The following DNAH17 variants were observed in gnomAD, a reference collection of about 807,000 sequenced individuals.
DNAH17 encodes the protein axonemal beta dynein heavy chain 17.
In DNAH17, 376 loss-of-function variants were observed where a neutral mutation model predicts 485.6. The observed-to-expected ratio is 0.77, with a 90% CI of 0.71 to 0.84. The LOEUF (loss-of-function observed/expected upper bound fraction) is 0.84, where lower values mean the gene tolerates loss of function less well. DNAH17 is among the 40% of genes least tolerant of loss of function. DNAH17 has a pLI of 0.00. For missense variants in DNAH17, 6,370 were observed against 5,839.3 expected (o/e 1.09, Z -2.96); for synonymous variants, 3,031 against 2,405.9 (o/e 1.26, Z -7.60).
chr17:78,506,081 G>C (rs2090475506), intron 30 of DNAH17, among the ~76,000 whole-genome samples: 1 of 151,270 alleles, frequency 6.6e-6, no homozygotes, highest in African/African-American at 2.4e-5. Context: ...CCTTCTTCTT[G>C]TGTAACCTCT....
chr17:78,424,722 G>C (rs966922327), intron 80 of DNAH17, among the ~76,000 whole-genome samples: 2 of 152,230 alleles, frequency 1.3e-5, no homozygotes, highest in African/African-American at 4.8e-5. Flanking sequence ...CCACCCCACA[G>C]GTAATGGGGT....
intron 26 of DNAH17, 192 bp from the exon 27 acceptor site, chr17:78,510,698 T>TTCCC: frequency 1.5e-6 from 1 of 688,624 alleles, no homozygotes; most frequent in Non-Finnish European, 2.4e-6. Context: ...CTCACCTTCC[T>TTCCC]TCCCTGTAAA....
rs114162674 is a variant in DNAH17 at position 78,577,013 on chromosome 17, G to C, written c.-26+282C>G. 1.6e-3 allele frequency among the ~76,000 whole-genome samples: 242 copies of C among 152,322 alleles called. 3 individuals are homozygous for C. Among genetic ancestry groups the C allele is most frequent in the African/African-American group, 5.7e-3 (237 of 41,584 alleles). On this transcript the variant is annotated intron_variant, in intron 1 of 80. Transcript: ENST00000389840. ...GGCCTTCAGGACTCCACAGGAGGAAGCTGGGGCTAGGGGCTTCCAGGAGAA... is the reference window on the plus strand; with the variant it reads ...GGCCTTCAGGACTCCACAGGAGGAACCTGGGGCTAGGGGCTTCCAGGAGAA...
chr17:78,450,485 T>A (rs926427769), intron 67 of DNAH17, 91 bp from the exon 68 acceptor site: 2 of 1,538,338 alleles, frequency 1.3e-6, no homozygotes, highest in Middle Eastern at 1.8e-4. Context: ...CCTCGCTCCC[T>A]GGGAAGCCAC....
At chr17:78,514,503 C>A (rs1398042966) in intron 26 of DNAH17, among the ~76,000 whole-genome samples, 287 of 112,032 alleles carry the variant, frequency 2.6e-3, no homozygotes, top group South Asian at 4.2e-3. Flanking sequence ...GACTCCGTCT[C>A]AAAAAAAAAA....
chr17:78,555,203 A>G (rs902938898), intron 14 of DNAH17, among the ~76,000 whole-genome samples: 4 of 152,222 alleles, frequency 2.6e-5, no homozygotes, highest in African/African-American at 7.2e-5. Flanking sequence ...ACAGGATTAC[A>G]AAGCAAGACG....
chr17:78,449,604 A>G lies in DNAH17; in HGVS notation c.11041-20T>C, dbSNP rs754268018. The G allele has an allele frequency of 6.3e-7, 1 of 1,592,354 alleles. No individual in the cohort carries two copies. The highest frequency in any genetic ancestry group is 8.6e-7 in the Non-Finnish European group (1 of 1,168,108). On this transcript the variant is annotated intron_variant, in intron 68 of 80. Transcript: ENST00000389840. ...GAAGGCCTGGGGATCCGCCACCGAG[A>G]GCCATGGAGGCGTGCAGAGATGGAG... is the stretch of plus-strand genomic sequence containing the variant.
At chr17:78,571,548 C>A (rs779784408) in intron 4 of DNAH17, 42 bp downstream of exon 4, 1 of 1,610,030 alleles carries the variant, frequency 6.2e-7, no homozygotes, top group Admixed American at 1.7e-5. Flanking sequence ...GGTCGCCCAG[C>A]TGGGACGAGG....
chr17:78,556,737 G>A (rs769251662), intron 14 of DNAH17, among the ~76,000 whole-genome samples: 21 of 152,148 alleles, frequency 1.4e-4, no homozygotes, highest in Non-Finnish European at 2.6e-4. Flanking sequence ...TTGTAAAAGC[G>A]AAAACTGAAA....
intron 75 of DNAH17, among the ~76,000 whole-genome samples, chr17:78,431,136 C>T (rs544271944): frequency 2.1e-4 from 32 of 152,358 alleles, no homozygotes; most frequent in South Asian, 4.1e-4. Flanking sequence ...GCCTCGGCCT[C>T]CCACAGTGCT....
At position 78,461,429 on chromosome 17, in the gene DNAH17, T is replaced by C. The variant is rs971492861; in HGVS notation, c.9339+115A>G. ...CTGGTTTAGGAACCTTGTCCTTCTA[T>C]GTAAGTCTCAGCCTTTCCCACGCCT... On this transcript the variant is annotated intron_variant, in intron 58 of 80. Transcript: ENST00000389840. 9 of 1,151,502 alleles carry C rather than the reference T, an allele frequency of 7.8e-6. No homozygotes were observed. The Admixed American group carries it at 2.4e-4, about 31-fold the overall frequency. The allele number at this position is 1,151,502 out of a possible 1,614,324, so 71.3% of individuals were successfully genotyped here.
In DNAH17 at chr17:78,569,361, C is replaced by G. The variant is rs186396905; in HGVS notation, c.1197+14G>C. On this transcript the variant is annotated intron_variant, in intron 8 of 80. Coordinates refer to ENST00000389840, the MANE Select transcript of DNAH17 (RefSeq NM_173628.4). ...TCGTCCTGCCTTGGCCCTCGCCCTG[C>G]GAGGAAGGGGTACCTTAAAGAAAAG... is the stretch of plus-strand genomic sequence containing the variant. The G allele has an allele frequency of 1.2e-6, 2 of 1,612,102 alleles. No individual in the cohort carries two copies. Among genetic ancestry groups the G allele is most frequent in the Non-Finnish European group, 1.7e-6 (2 of 1,178,992 alleles).
At chr17:78,570,054 T>G (rs1043852256) in intron 7 of DNAH17, among the ~76,000 whole-genome samples, 193 bp downstream of exon 7, 1 of 152,192 alleles carries the variant, frequency 6.6e-6, no homozygotes, top group East Asian at 1.9e-4. Context: ...TTTCCCTCAG[T>G]ACCCTCCCCT....
intron 41 of DNAH17, among the ~76,000 whole-genome samples, chr17:78,493,835 G>C (rs1269216952): frequency 6.6e-6 from 1 of 152,242 alleles, no homozygotes; most frequent in Non-Finnish European, 1.5e-5. Flanking sequence ...CCAGGGATCA[G>C]GGATCAGGGG....
rs1481006717 is a variant in DNAH17, at chr17:78,425,521, C to T, written c.12966G>A (p.Leu4322=). 1.2e-6 allele frequency: 2 copies of T among 1,613,770 alleles called. No individual in the cohort carries two copies. Among genetic ancestry groups the T allele is most frequent in the African/African-American group, 1.3e-5 (1 of 74,924 alleles). ...ACGACTGGGGGTTGAAGAAGCCGGC[C>T]AGCCACACGGTGGTGGGCAGGGCAA... The part of the protein sequence containing the change: ...TDFALPTTVW[L]AGFFNPQSFL... Residue 4322 remains leucine, a synonymous_variant, in exon 80 of 81, where the codon CTG becomes CTA. Transcript: ENST00000389840.
At chr17:78,439,340 T>C in intron 72 of DNAH17, 123 bp from the exon 73 acceptor site, 5 of 1,185,902 alleles carry the variant, frequency 4.2e-6, no homozygotes, top group Non-Finnish European at 5.8e-6. Context: ...GAAATACACA[T>C]GACATAAAAC....
chr17:78,507,510 G>A lies in DNAH17; in HGVS notation c.4532C>T (p.Thr1511Ile), dbSNP rs762660048. 1.9e-6 allele frequency: 3 copies of A among 1,613,794 alleles called. No individual in the cohort carries two copies. The East Asian group carries it at 6.7e-5, about 36-fold the overall frequency. The stretch of plus-strand genomic sequence containing the variant: ...GCGCTGGGAGTCCCCCGGGAGCTGG[G>A]TGCGGATGTCTTCGGAGCCGATGAA... ...SIFIGSEDIR[T>I]QLPGDSQRFD... The change falls in exon 28 of 81, where the codon ACC becomes ATC. Residue 1511 changes from threonine to isoleucine, a missense_variant. Transcript: ENST00000389840.
chr17:78,517,447 GCA>G (rs1480247267), intron 25 of DNAH17, among the ~76,000 whole-genome samples: 1 of 152,216 alleles, frequency 6.6e-6, no homozygotes, highest in Non-Finnish European at 1.5e-5. Flanking sequence ...ACCAACATAT[GCA>G]CACACACAGA....
intron 48 of DNAH17, among the ~76,000 whole-genome samples, chr17:78,482,151 C>T (rs1043952877): frequency 4.8e-5 from 7 of 145,630 alleles, no homozygotes; most frequent in Non-Finnish European, 6.0e-5. Context: ...ACACAGCTCA[C>T]GGCAGCCTCT....
Sources: gnomAD v4.1 joint callset for allele counts (sites outside exome capture counted in the v4.1 genomes callset) on GRCh38, gnomAD v4.1.1 for gene constraint, MANE v1.5 for transcripts, NCBI Gene and HGNC (gene_info 2026-07-23, HGNC 2026-07-21) for gene names.